SMURF2: variants seen among roughly 807,000 people sequenced by gnomAD.
SMURF2 encodes the protein SMAD specific E3 ubiquitin protein ligase 2.
A neutral mutation model predicts 109.6 loss-of-function variants in SMURF2; 48 were observed. The ratio of observed to expected loss-of-function variants is 0.44; its 90% CI spans 0.35 to 0.56. The LOEUF is 0.56. Among genes scored for constraint, SMURF2 ranks in the 20% least tolerant of loss-of-function variants. The pLI is 0.01. For synonymous variants in SMURF2, 288 were observed against 317.1 expected (o/e 0.91, Z 0.97); for missense variants, 575 against 909.0 (o/e 0.63, Z 4.72).
At chr17:64,605,598 C>T (rs1470328463) in intron 2 of SMURF2, among the ~76,000 whole-genome samples, 1 of 150,604 alleles carries the variant, frequency 6.6e-6, no homozygotes, top group East Asian at 1.9e-4. Context: ...ATTAGCTGGA[C>T]GTGGTGAAGT....
Position 64,655,028 on chromosome 17 carries a change from C to T in SMURF2, c.52+6801G>A, listed in dbSNP as rs183633608. Reference sequence around the variant, plus strand: ...ATATAACTGCATTCCTAAATACAAGCAATAACTAGGATTAGAAAACACAAC... The same window carrying T: ...ATATAACTGCATTCCTAAATACAAGTAATAACTAGGATTAGAAAACACAAC... On this transcript the variant is annotated intron_variant, in intron 1 of 18. Transcript: ENST00000262435. Among the ~76,000 whole-genome samples the T allele has an allele frequency of 2.3e-3, 353 of 151,908 alleles. 2 individuals carry two copies. The highest frequency in any genetic ancestry group is 7.9e-3 in the African/African-American group (329 of 41,456).
intron 2 of SMURF2, 67 bp downstream of exon 2, chr17:64,606,535 G>T: frequency 1.7e-6 from 2 of 1,150,898 alleles, no homozygotes; most frequent in Non-Finnish European, 2.5e-6. Context: ...CTAAACCAGA[G>T]AATTCTGAAA....
Position 64,562,780 on chromosome 17 carries a change from C to A in SMURF2, c.1203G>T (p.Glu401Asp), listed in dbSNP as rs1362955329. ...AGGCTCGTAAATTTACCTCAAAAAT[C>A]TCTTCCCTGGAAACCTCAATGCGGC... ...GHCRIEVSRE[E>D]IFEESYRQVM... Residue 401 changes from glutamate (E) to aspartate (D), a missense_variant, in exon 11 of 19, where the codon GAG becomes GAT. Glu to Asp is a conservative substitution (Grantham distance 45). This residue lies in a region of SMURF2 where 361 missense variants were observed against 612.1 expected (regional missense o/e 0.59). Coordinates refer to ENST00000262435, the MANE Select transcript of SMURF2 (RefSeq NM_022739.4). 6.2e-7 allele frequency: 1 copy of A among 1,611,376 alleles called. No individual in the cohort carries two copies. The highest frequency in any genetic ancestry group is 1.7e-5 in the Admixed American group (1 of 59,160).
chr17:64,655,384 A>G (rs1970692823), intron 1 of SMURF2, among the ~76,000 whole-genome samples: 3 of 144,510 alleles, frequency 2.1e-5, no homozygotes, highest in Admixed American at 7.4e-5. Flanking sequence ...CAGCCTCCCC[A>G]GTAGCTAGGA....
chr17:64,645,923 T>TAA (rs1477952752), intron 1 of SMURF2, among the ~76,000 whole-genome samples: 1 of 152,202 alleles, frequency 6.6e-6, no homozygotes, highest in African/African-American at 2.4e-5. Context: ...TAAGAAAACC[T>TAA]ATTCACATAA....
At chr17:64,591,578 A>C (rs1274385710) in intron 4 of SMURF2, among the ~76,000 whole-genome samples, 3 of 152,212 alleles carry the variant, frequency 2.0e-5, no homozygotes, top group African/African-American at 4.8e-5. Flanking sequence ...TATTCATAAG[A>C]AGCCAAGAAT....
intron 11 of SMURF2, 51 bp from the exon 12 acceptor site, chr17:64,561,654 ATTAC>A (rs1969221716): frequency 4.4e-6 from 6 of 1,373,504 alleles, no homozygotes; most frequent in Admixed American, 3.7e-5. Flanking sequence ...CTTTTAGCCT[ATTAC>A]TTAATCTCTC....
chr17:64,631,213 G>C (rs905695453), intron 1 of SMURF2, among the ~76,000 whole-genome samples: 2 of 140,904 alleles, frequency 1.4e-5, no homozygotes, highest in East Asian at 2.3e-4. Flanking sequence ...AAAAGGGAGA[G>C]AGGGACGGGG....
intron 10 of SMURF2, among the ~76,000 whole-genome samples, chr17:64,570,322 T>C (rs1969379936): frequency 6.6e-6 from 1 of 152,250 alleles, no homozygotes; most frequent in Non-Finnish European, 1.5e-5. Context: ...ACCATTCATT[T>C]AGAGAAGCTA....
intron 11 of SMURF2, among the ~76,000 whole-genome samples, chr17:64,562,274 A>G (rs1969230482): frequency 8.0e-6 from 1 of 124,512 alleles, no homozygotes; most frequent in Non-Finnish European, 1.6e-5. Context: ...GCCTGGCGAC[A>G]GACTCCGTCT....
At chr17:64,631,961 C>CGGGGGG (rs782202552) in intron 1 of SMURF2, among the ~76,000 whole-genome samples, 2 of 9,956 alleles carry the variant, frequency 2.0e-4, no homozygotes, top group African/African-American at 5.0e-4. Context: ...TCTTTTTTTG[C>CGGGGGG]GGGGGGGGGG....
At chr17:64,628,033 G>A (rs535622963) in intron 1 of SMURF2, among the ~76,000 whole-genome samples, 1 of 152,238 alleles carries the variant, frequency 6.6e-6, no homozygotes, top group South Asian at 2.1e-4. Context: ...TCATATGACT[G>A]AGCCATCCGA....
chr17:64,543,002 G>A lies in SMURF2; in HGVS notation c.*2846C>T, dbSNP rs1429258998. The A allele has an allele frequency of 6.6e-6, 1 of 152,080 alleles. No individual in the cohort carries two copies. The highest frequency in any genetic ancestry group is 6.5e-5 in the Admixed American group (1 of 15,270). The allele number at this position is 152,080 out of a possible 1,614,324, so 9.4% of individuals were successfully genotyped here. On this transcript the variant is annotated 3_prime_UTR_variant, in exon 19 of 19. Transcript: ENST00000262435. ...TCTCTGTTCATAACTAAGCATTCAT[G>A]ATGGAAAGGCAAGAGTATGAAAACA...
intron 2 of SMURF2, among the ~76,000 whole-genome samples, 183 bp downstream of exon 2, chr17:64,606,419 C>T (rs1969971743): frequency 2.6e-5 from 4 of 151,982 alleles, no homozygotes; most frequent in African/African-American, 4.8e-5. Flanking sequence ...AGGGCTAAGC[C>T]TAAAAAGCAC....
intron 7 of SMURF2, among the ~76,000 whole-genome samples, chr17:64,582,961 C>T (rs891503959): frequency 3.3e-5 from 5 of 151,716 alleles, no homozygotes; most frequent in African/African-American, 7.3e-5. Context: ...TGCACGGGCA[C>T]GATCTTGGCT....
chr17:64,585,803 A>AT (rs1461021500), intron 6 of SMURF2, among the ~76,000 whole-genome samples: 1 of 152,184 alleles, frequency 6.6e-6, no homozygotes, highest in African/African-American at 2.4e-5. Context: ...ATCAAGCAAC[A>AT]TTTTTTTAAC....
At chr17:64,578,251 C>CT (rs1335116192) in intron 9 of SMURF2, among the ~76,000 whole-genome samples, 16 of 151,568 alleles carry the variant, frequency 1.1e-4, no homozygotes, top group Non-Finnish European at 2.2e-4. Context: ...GCCTATTCCA[C>CT]TTTTTTTTAA....
chr17:64,661,083 C>A (rs1020198334), intron 1 of SMURF2, among the ~76,000 whole-genome samples: 29 of 152,050 alleles, frequency 1.9e-4, no homozygotes, highest in African/African-American at 4.1e-4. Flanking sequence ...GCACCCCCCC[C>A]AAAAAAGTGT....
intron 17 of SMURF2, 66 bp from the exon 18 acceptor site, chr17:64,546,404 A>C: frequency 7.1e-7 from 1 of 1,412,634 alleles, no homozygotes; most frequent in Non-Finnish European, 9.9e-7. Flanking sequence ...AAATCTTAAG[A>C]ATAAAACTGG....
Sources: gnomAD v4.1 joint callset for allele counts (sites outside exome capture counted in the v4.1 genomes callset) on GRCh38, gnomAD v4.1.1 for gene constraint, gnomAD v4.1.1 regional missense constraint, MANE v1.5 for transcripts, NCBI Gene and HGNC (gene_info 2026-07-23, HGNC 2026-07-21) for gene names.